CNTNAP2: variants seen among roughly 807,000 people sequenced by gnomAD.
CNTNAP2 encodes contactin associated protein 2.
A neutral mutation model predicts 155.2 loss-of-function variants in CNTNAP2; 98 were observed. The observed-to-expected ratio is 0.63, with a 90% CI of 0.54 to 0.75. The LOEUF is 0.75. CNTNAP2 is among the 30% of genes least tolerant of loss of function. CNTNAP2 has a pLI of 0.00. For synonymous variants in CNTNAP2, 651 were observed against 631.2 expected (o/e 1.03, Z -0.47); for missense variants, 1,727 against 1,688.1 (o/e 1.02, Z -0.40).
In CNTNAP2 at chr7:147,661,342, A is replaced by G. The variant is rs10251840; in HGVS notation, c.2098+22036A>G. On this transcript the variant is annotated intron_variant, in intron 13 of 23. Coordinates refer to ENST00000361727, the MANE Select transcript of CNTNAP2 (RefSeq NM_014141.6). ...TATTTCTGAAAATCAAATTTGGCTA[A>G]TGAAGTGTTTAGCCCAATCCAGTGA... is the stretch of plus-strand genomic sequence containing the variant. 7.2e-4 allele frequency among the ~76,000 whole-genome samples: 110 copies of G among 152,234 alleles called. 1 individual carries two copies. Among genetic ancestry groups the G allele is most frequent in the African/African-American group, 2.5e-3 (102 of 41,536 alleles).
intron 8 of CNTNAP2, among the ~76,000 whole-genome samples, chr7:147,214,291 A>G (rs1174502265): frequency 2.0e-5 from 3 of 152,188 alleles, no homozygotes; most frequent in Non-Finnish European, 4.4e-5. Flanking sequence ...ACAGCAAAGC[A>G]CAGTGGCTTA....
intron 18 of CNTNAP2, among the ~76,000 whole-genome samples, chr7:148,213,086 C>T (rs1291897991): frequency 6.6e-6 from 1 of 152,152 alleles, no homozygotes; most frequent in Non-Finnish European, 1.5e-5. Context: ...ATGTCTCACC[C>T]AGGCGGGGAC....
intron 13 of CNTNAP2, among the ~76,000 whole-genome samples, chr7:147,873,153 T>C (rs1472934791): frequency 6.6e-6 from 1 of 152,152 alleles, no homozygotes; most frequent in Non-Finnish European, 1.5e-5. Context: ...TCAAGAAAAC[T>C]AAAATTAGTA....
chr7:146,384,812 G>C (rs1347629862), intron 1 of CNTNAP2, among the ~76,000 whole-genome samples: 2 of 152,092 alleles, frequency 1.3e-5, no homozygotes, highest in African/African-American at 4.8e-5. Flanking sequence ...TTGACTCCTT[G>C]ACTGTGTTAG....
At chr7:147,756,311 C>G (rs1797212965) in intron 13 of CNTNAP2, among the ~76,000 whole-genome samples, 1 of 151,822 alleles carries the variant, frequency 6.6e-6, no homozygotes. Flanking sequence ...TTTTTCCCCA[C>G]TGATAAAGGA....
At chr7:146,931,403 A>G (rs1206726926) in intron 3 of CNTNAP2, among the ~76,000 whole-genome samples, 1 of 149,026 alleles carries the variant, frequency 6.7e-6, no homozygotes, top group Non-Finnish European at 1.5e-5. Context: ...ACAAAGACAC[A>G]ACATACCAGA....
intron 4 of CNTNAP2, among the ~76,000 whole-genome samples, chr7:147,059,571 G>A (rs1488342983): frequency 6.6e-6 from 1 of 151,954 alleles, no homozygotes; most frequent in Admixed American, 6.6e-5. Flanking sequence ...ATAGTGGGTG[G>A]TTTGGTTAAC....
chr7:147,175,225 T>G (rs540575778), intron 8 of CNTNAP2, among the ~76,000 whole-genome samples: 120 of 151,744 alleles, frequency 7.9e-4, no homozygotes, highest in African/African-American at 2.1e-3. Context: ...TTTCATCTAA[T>G]CAATTTCACC....
intron 3 of CNTNAP2, among the ~76,000 whole-genome samples, chr7:146,879,590 C>T (rs2129208952): frequency 6.6e-6 from 1 of 152,096 alleles, no homozygotes; most frequent in Middle Eastern, 3.4e-3. Flanking sequence ...GAAGTCAGTA[C>T]TCTCACTTCC....
intron 21 of CNTNAP2, among the ~76,000 whole-genome samples, chr7:148,382,559 G>A (rs1301901565): frequency 6.6e-6 from 1 of 152,186 alleles, no homozygotes; most frequent in Non-Finnish European, 1.5e-5. Flanking sequence ...ATAACAGAAC[G>A]GCTTCAGCAA....
At chr7:147,781,185 C>G (rs756729923) in intron 13 of CNTNAP2, among the ~76,000 whole-genome samples, 2 of 152,164 alleles carry the variant, frequency 1.3e-5, no homozygotes, top group African/African-American at 2.4e-5. Context: ...TTTCTTAGAT[C>G]ATTTTTCTAA....
chr7:146,882,181 T>C (rs1795565384), intron 3 of CNTNAP2, among the ~76,000 whole-genome samples: 1 of 152,142 alleles, frequency 6.6e-6, no homozygotes, highest in Non-Finnish European at 1.5e-5. Context: ...GTGGTGTATA[T>C]AAACCATATT....
At position 148,378,030 on chromosome 7, in the gene CNTNAP2, A is replaced by G. The variant is rs1798989188; in HGVS notation, c.3476-5619A>G. Among the ~76,000 whole-genome samples the G allele has an allele frequency of 4.4e-5, 3 of 68,232 alleles. 1 individual carries two copies. Among genetic ancestry groups the G allele is most frequent in the Non-Finnish European group, 8.2e-5 (2 of 24,272 alleles). 44.8% of individuals were successfully genotyped at this position (68,232 alleles called of 152,430 possible). ...GTATTTAATGCATTTTTGATTTACA[A>G]TATTCCCACCTTACGATGGGTGTAT... is the stretch of plus-strand genomic sequence containing the variant. On this transcript the variant is annotated intron_variant, in intron 21 of 23. Transcript: ENST00000361727.
In CNTNAP2 at chr7:146,239,088, T is replaced by A. The variant is rs376812152; in HGVS notation, c.97+122115T>A. On this transcript the variant is annotated intron_variant, in intron 1 of 23. Transcript: ENST00000361727. ...AAAATGTTGTAGTTTAGGGTAGATA[T>A]GTGTTTGGAACAATTTAGATTCAAA... 1.4e-4 allele frequency among the ~76,000 whole-genome samples: 21 copies of A among 152,298 alleles called. No homozygotes were observed. The East Asian group carries it at 3.1e-3, about 22-fold the overall frequency.
intron 1 of CNTNAP2, among the ~76,000 whole-genome samples, chr7:146,185,059 G>C (rs545137414): frequency 6.6e-6 from 1 of 152,058 alleles, no homozygotes; most frequent in Non-Finnish European, 1.5e-5. Context: ...TCAGAACACA[G>C]GTTGTCCAAA....
chr7:146,943,252 G>A (rs958734751), intron 3 of CNTNAP2, among the ~76,000 whole-genome samples: 4 of 152,190 alleles, frequency 2.6e-5, no homozygotes, highest in African/African-American at 4.8e-5. Flanking sequence ...AAGAGAAAAT[G>A]AGGCCGAGGC....
At chr7:147,983,280 T>A (rs1801563744) in intron 15 of CNTNAP2, among the ~76,000 whole-genome samples, 1 of 151,716 alleles carries the variant, frequency 6.6e-6, no homozygotes, top group African/African-American at 2.4e-5. Flanking sequence ...CAGAGAAGAG[T>A]TCAAAATTTA....
intron 15 of CNTNAP2, among the ~76,000 whole-genome samples, chr7:147,981,613 G>T (rs1258623335): frequency 6.6e-6 from 1 of 152,170 alleles, no homozygotes; most frequent in Non-Finnish European, 1.5e-5. Flanking sequence ...TGTGGGCTCT[G>T]CCCAACCATT....
chr7:146,173,182 AT>A (rs1798419445), intron 1 of CNTNAP2, among the ~76,000 whole-genome samples: 2 of 152,130 alleles, frequency 1.3e-5, no homozygotes, highest in Admixed American at 1.3e-4. Context: ...AGAACTTTAT[AT>A]TTAGTTTTAA....
Sources: gnomAD v4.1 joint callset for allele counts (sites outside exome capture counted in the v4.1 genomes callset) on GRCh38, gnomAD v4.1.1 for gene constraint, MANE v1.5 for transcripts, NCBI Gene and HGNC (gene_info 2026-07-23, HGNC 2026-07-21) for gene names.